Variants in CLIC5 observed in about 807,000 individuals in gnomAD.
The protein encoded by CLIC5 is chloride intracellular channel protein 5.
A neutral mutation model predicts 24.7 loss-of-function variants in CLIC5; 20 were observed. That is an observed-to-expected ratio of 0.81 (90% confidence interval 0.57 to 1.18). The LOEUF (loss-of-function observed/expected upper bound fraction) is 1.18, where lower values mean the gene tolerates loss of function less well. CLIC5 is among the 50% of genes most tolerant of loss of function. The probability of loss-of-function intolerance (pLI) is 0.00; values close to 1 mark genes in which losing one functional copy is unlikely to be tolerated. For missense variants in CLIC5, 341 were observed against 326.1 expected (o/e 1.05, Z -0.35); for synonymous variants, 159 against 135.6 (o/e 1.17, Z -1.20).
At chr6:46,057,213 A>G (rs1768283347) in intron 1 of CLIC5, among the ~76,000 whole-genome samples, 1 of 152,158 alleles carries the variant, frequency 6.6e-6, no homozygotes, top group Admixed American at 6.5e-5. Context: ...CAGAATTCCC[A>G]TGTGTTGTGG....
intron 4 of CLIC5, among the ~76,000 whole-genome samples, chr6:45,939,401 A>T (rs1764052944): frequency 6.6e-6 from 1 of 151,118 alleles, no homozygotes. Flanking sequence ...TTTAGTGGAG[A>T]CGGGGGTCTC....
chr6:45,919,205 G>T (rs1763152213), intron 4 of CLIC5: 1 of 671,466 alleles, frequency 1.5e-6, no homozygotes, highest in Non-Finnish European at 1.8e-6. Context: ...CAGAGAACCT[G>T]CCCCTCCTTG....
chr6:45,990,293 TCCA>T (rs1484548819), intron 1 of CLIC5, among the ~76,000 whole-genome samples: 1 of 152,212 alleles, frequency 6.6e-6, no homozygotes, highest in Non-Finnish European at 1.5e-5. Context: ...TAAAGTGGTT[TCCA>T]TTCATGTTTA....
chr6:46,055,698 A>T (rs1006177041), intron 1 of CLIC5, among the ~76,000 whole-genome samples: 4 of 152,144 alleles, frequency 2.6e-5, no homozygotes, highest in African/African-American at 9.7e-5. Context: ...CACACATGGG[A>T]GCTGGTGGCT....
At chr6:45,984,344 C>T (rs946511409) in intron 1 of CLIC5, among the ~76,000 whole-genome samples, 1 of 152,120 alleles carries the variant, frequency 6.6e-6, no homozygotes, top group African/African-American at 2.4e-5. Context: ...GTCACCTGTG[C>T]TATCCCTGGA....
rs542941038 is a variant in CLIC5 at position 45,913,787 on chromosome 6, T to C, written c.588+441A>G. 242 of 1,231,468 alleles carry C rather than the reference T, an allele frequency of 2.0e-4. 2 individuals carry two copies. In the African/African-American group the frequency reaches 3.4e-3, roughly 17 times the overall value. 76.3% of individuals were successfully genotyped at this position (1,231,468 alleles called of 1,614,324 possible). A position where few individuals can be genotyped will look rare whatever the true frequency, so the allele number is the denominator to read the frequency against. On this transcript the variant is annotated intron_variant, in intron 5 of 5. Coordinates refer to ENST00000339561, the MANE Select transcript of CLIC5 (RefSeq NM_016929.5). Reference sequence around the variant, plus strand: ...AATAATGTGGGCTCACCTTAGGAAGTTGCTGGAGGAAGTGAGAAGGTGGGT... The same window carrying C: ...AATAATGTGGGCTCACCTTAGGAAGCTGCTGGAGGAAGTGAGAAGGTGGGT...
At chr6:45,914,518 A>C (rs1581727071) in intron 4 of CLIC5, 109 bp from the exon 5 acceptor site, 1 of 1,315,760 alleles carries the variant, frequency 7.6e-7, no homozygotes, top group Non-Finnish European at 9.7e-7. Flanking sequence ...CCTTCATCAC[A>C]CTGCCAGCTC....
chr6:46,122,653 A>T, the CLIC5 span, among the ~76,000 whole-genome samples: 1 of 151,270 alleles, frequency 6.6e-6, no homozygotes, highest in Non-Finnish European at 1.5e-5. Context: ...CTGGTTTTTT[A>T]AAAAGATCAA....
intron 2 of CLIC5, among the ~76,000 whole-genome samples, chr6:45,952,427 C>A (rs1434298720): frequency 6.6e-6 from 1 of 152,184 alleles, no homozygotes; most frequent in African/African-American, 2.4e-5. Context: ...CGAGTTCTTG[C>A]TATGAGTCAG....
chr6:46,112,320 T>G, the CLIC5 span, among the ~76,000 whole-genome samples: 2 of 152,184 alleles, frequency 1.3e-5, no homozygotes, highest in African/African-American at 4.8e-5. Context: ...AAGAAACATT[T>G]ACCATCTATT....
intron 1 of CLIC5, among the ~76,000 whole-genome samples, chr6:46,055,857 C>T (rs1428897388): frequency 6.6e-6 from 1 of 152,012 alleles, no homozygotes; most frequent in East Asian, 1.9e-4. Flanking sequence ...TGTATGATGC[C>T]CTTTGTATGA....
intron 6 of CLIC5, among the ~76,000 whole-genome samples, chr6:45,886,489 G>A (rs1251418813): frequency 6.6e-6 from 1 of 152,124 alleles, no homozygotes; most frequent in Non-Finnish European, 1.5e-5. Flanking sequence ...CACCCATTTG[G>A]TAAATTTCCT....
chr6:46,015,562 A>G lies in CLIC5; in HGVS notation c.-20T>C. On this transcript the variant is annotated 5_prime_UTR_variant, in exon 1 of 6. Coordinates refer to ENST00000339561, the MANE Select transcript of CLIC5 (RefSeq NM_016929.5). ...TGTCATGCCGTTGGCGCCCGGGGCT[A>G]CCGTCCCGGGCCGGGGAGGCGCCAC... 2 of 1,558,110 alleles carry G rather than the reference A, an allele frequency of 1.3e-6. No homozygotes were observed. Among genetic ancestry groups the G allele is most frequent in the African/African-American group, 2.8e-5 (2 of 71,946 alleles).
intron 2 of CLIC5, among the ~76,000 whole-genome samples, chr6:45,951,881 C>T (rs1423560375): frequency 1.3e-5 from 2 of 152,130 alleles, no homozygotes; most frequent in African/African-American, 4.8e-5. Context: ...TCCCATGTCC[C>T]TCCCCAAACA....
chr6:46,071,775 A>G (rs1762604137), intron 1 of CLIC5, among the ~76,000 whole-genome samples: 1 of 152,214 alleles, frequency 6.6e-6, no homozygotes, highest in East Asian at 1.9e-4. Context: ...TATCATAAAG[A>G]CACATGGATG....
chr6:46,092,225 A>T, the CLIC5 span, among the ~76,000 whole-genome samples: 1 of 152,236 alleles, frequency 6.6e-6, no homozygotes, highest in East Asian at 1.9e-4. Flanking sequence ...CCTGAATCCA[A>T]GAGTATTTGA....
Position 45,922,835 on chromosome 6 carries a change from T to TAGAGAGAG in CLIC5, c.407-8434_407-8427dup, listed in dbSNP as rs36124366. On this transcript the variant is annotated intron_variant, in intron 4 of 5. Transcript: ENST00000339561. ...AGAGAGAGAGAGAAAGAGAGAGAGA[T>TAGAGAGAG]AGAGAGAGAGAGAGAGAGAGAGACT... 1.2e-3 allele frequency among the ~76,000 whole-genome samples: 167 copies of TAGAGAGAG among 144,382 alleles called. 1 individual carries two copies. The highest frequency in any genetic ancestry group is 4.0e-3 in the African/African-American group (156 of 39,376). The allele number at this position is 144,382 out of a possible 152,430, so 94.7% of individuals were successfully genotyped here.
the CLIC5 span, among the ~76,000 whole-genome samples, chr6:46,092,030 T>C: frequency 3.9e-5 from 6 of 152,202 alleles, no homozygotes; most frequent in Admixed American, 1.3e-4. Context: ...TTATCTTTCC[T>C]CTTTTTGATG....
intron 1 of CLIC5, among the ~76,000 whole-genome samples, chr6:46,072,648 A>T (rs1414337034): frequency 6.6e-6 from 1 of 152,192 alleles, no homozygotes; most frequent in African/African-American, 2.4e-5. Flanking sequence ...GAGTTAACAT[A>T]ACTCTCACAT....
Sources: allele counts gnomAD v4.1 joint callset (sites outside exome capture counted in the v4.1 genomes callset), GRCh38; gene constraint gnomAD v4.1.1; transcripts MANE v1.5; gene names NCBI Gene and HGNC (gene_info 2026-07-23, HGNC 2026-07-21).